Variants in ADAM12 observed in about 807,000 individuals in gnomAD.
The protein encoded by ADAM12 is disintegrin and metalloproteinase domain-containing protein 12.
In ADAM12, 70 loss-of-function variants were observed where a neutral mutation model predicts 106.4. The ratio of observed to expected loss-of-function variants is 0.66; its 90% CI spans 0.54 to 0.80. The LOEUF (loss-of-function observed/expected upper bound fraction) is 0.80, where lower values mean the gene tolerates loss of function less well. Ranked by LOEUF, ADAM12 falls within the 30% of genes least tolerant of loss-of-function variation. ADAM12 has a pLI of 0.00. For missense variants in ADAM12, 1,010 were observed against 1,171.9 expected, an observed-to-expected ratio of 0.86 and a Z score of 2.02; for synonymous variants, 420 against 433.5, an observed-to-expected ratio of 0.97 and a Z score of 0.39.
At position 126,187,465 on chromosome 10, in the gene ADAM12, C is replaced by T. The variant is rs141239202; in HGVS notation, c.261-32160G>A. Reference sequence around the variant, plus strand: ...AATCAAAATGCTGACACACAGGCGCCGGGGTGCCCAGCAAGTGGCTGTATT... The same window carrying T: ...AATCAAAATGCTGACACACAGGCGCTGGGGTGCCCAGCAAGTGGCTGTATT... On this transcript the variant is annotated intron_variant, in intron 3 of 22. Coordinates refer to ENST00000448723, the MANE Select transcript of ADAM12 (RefSeq NM_001288973.2). Among the ~76,000 whole-genome samples, 198 of 152,276 alleles carry T rather than the reference C, an allele frequency of 1.3e-3. 5 individuals are homozygous for T. The South Asian group carries it at 0.026, about 20-fold the overall frequency.
At chr10:126,246,360 C>A (rs1481964520) in intron 3 of ADAM12, among the ~76,000 whole-genome samples, 2 of 152,150 alleles carry the variant, frequency 1.3e-5, no homozygotes, top group African/African-American at 4.8e-5. Flanking sequence ...TAGCCATAGA[C>A]AACCTAAGGT....
chr10:126,140,831 T>C (rs1956496491), intron 4 of ADAM12, among the ~76,000 whole-genome samples: 1 of 152,152 alleles, frequency 6.6e-6, no homozygotes, highest in South Asian at 2.1e-4. Flanking sequence ...ATGCATCACG[T>C]GGTTGGTTGG....
intron 3 of ADAM12, among the ~76,000 whole-genome samples, chr10:126,213,565 C>A (rs573356086): frequency 1.3e-5 from 2 of 152,186 alleles, no homozygotes; most frequent in Non-Finnish European, 2.9e-5. Context: ...ACTGAATATA[C>A]CCAAACCACT....
chr10:126,240,870 G>A (rs555645730), intron 3 of ADAM12, among the ~76,000 whole-genome samples: 1 of 152,342 alleles, frequency 6.6e-6, no homozygotes, highest in South Asian at 2.1e-4. Context: ...ACTTTTTGCT[G>A]TATCACTATC....
intron 1 of ADAM12, among the ~76,000 whole-genome samples, chr10:126,351,765 T>C (rs1855368335): frequency 6.6e-6 from 1 of 152,070 alleles, no homozygotes; most frequent in African/African-American, 2.4e-5. Context: ...AACTGTGCAT[T>C]GCTCTCCCTG....
intron 3 of ADAM12, among the ~76,000 whole-genome samples, chr10:126,216,567 GA>G (rs1957991591): frequency 6.6e-6 from 1 of 152,198 alleles, no homozygotes; most frequent in Non-Finnish European, 1.5e-5. Flanking sequence ...GTAACTCCAG[GA>G]AAAGGGCTTA....
intron 2 of ADAM12, among the ~76,000 whole-genome samples, chr10:126,316,143 G>A (rs1050348412): frequency 1.6e-4 from 24 of 152,206 alleles, no homozygotes; most frequent in African/African-American, 5.5e-4. Flanking sequence ...TGTTTGTAGT[G>A]CAGGAGGAGT....
rs142639951 is a variant in ADAM12, at chr10:126,108,404, T to A, written c.741+189A>T. On this transcript the variant is annotated intron_variant, in intron 8 of 22. Transcript: ENST00000448723. ...TCACCAAGGCCACCATAGTCCAGAC[T>A]GCTGTGGTTTGGCATCTCCTGAAGC... 7.4e-4 allele frequency among the ~76,000 whole-genome samples: 112 copies of A among 152,272 alleles called. No homozygotes were observed. The East Asian group carries it at 7.6e-3, about 10-fold the overall frequency.
chr10:126,330,782 TATAATTCA>T (rs1170899359), intron 1 of ADAM12, among the ~76,000 whole-genome samples: 6 of 152,228 alleles, frequency 3.9e-5, no homozygotes, highest in African/African-American at 1.4e-4. Flanking sequence ...AGACAAGATA[TATAATTCA>T]GTCCTTCAAC....
At chr10:126,056,282 A>G (rs1954629161) in intron 14 of ADAM12, among the ~76,000 whole-genome samples, 1 of 152,212 alleles carries the variant, frequency 6.6e-6, no homozygotes, top group Non-Finnish European at 1.5e-5. Flanking sequence ...GAGGCACAGC[A>G]ATGATAGGGC....
Position 126,289,000 on chromosome 10 carries a change from T to C in ADAM12, c.187-10012A>G, listed in dbSNP as rs376748678. 5.8e-4 allele frequency among the ~76,000 whole-genome samples: 86 copies of C among 148,534 alleles called. 2 individuals are homozygous for C. The South Asian group carries it at 0.018, about 31-fold the overall frequency. ...ACATGATGGCTTGGGGACAGGACCA[T>C]ATAGTGACATGGTGACCCAGGAATA... On this transcript the variant is annotated intron_variant, in intron 2 of 22. Transcript: ENST00000448723.
intron 18 of ADAM12, chr10:126,041,505 T>C: frequency 2.3e-5 from 23 of 985,600 alleles, no homozygotes; most frequent in Non-Finnish European, 2.7e-5. Flanking sequence ...GTACTGCTGG[T>C]CACGCATGTC....
At chr10:126,155,573 C>G (rs1181709384) in intron 3 of ADAM12, among the ~76,000 whole-genome samples, 1 of 152,156 alleles carries the variant, frequency 6.6e-6, no homozygotes, top group Non-Finnish European at 1.5e-5. Flanking sequence ...CTTCCTCCCA[C>G]CTCATTCCTT....
chr10:126,082,375 T>TTTTG (rs1355479475), intron 11 of ADAM12, among the ~76,000 whole-genome samples: 1 of 145,552 alleles, frequency 6.9e-6, no homozygotes, highest in African/African-American at 2.6e-5. Flanking sequence ...TTTTTTTTTT[T>TTTTG]TTTTTTTTTT....
chr10:126,230,922 G>C (rs1958297280), intron 3 of ADAM12, among the ~76,000 whole-genome samples: 1 of 152,086 alleles, frequency 6.6e-6, no homozygotes, highest in South Asian at 2.1e-4. Context: ...TTTACGTTAA[G>C]CTAGGACATG....
In ADAM12 at chr10:126,046,150, C is replaced by T. The variant is rs771786627; in HGVS notation, c.1918-18G>A. Reference sequence around the variant, plus strand: ...AGGCAGATCTGTAGGAGGAGGAAAACACAGCAAATCTCTTAGTATTTCTCC... The same window carrying T: ...AGGCAGATCTGTAGGAGGAGGAAAATACAGCAAATCTCTTAGTATTTCTCC... On this transcript the variant is annotated intron_variant, in intron 16 of 22. Transcript: ENST00000448723. 1.2e-6 allele frequency: 2 copies of T among 1,604,656 alleles called. No homozygotes were observed. Among genetic ancestry groups the T allele is most frequent in the East Asian group, 4.5e-5 (2 of 44,826 alleles).
intron 1 of ADAM12, among the ~76,000 whole-genome samples, chr10:126,351,057 A>T (rs974389730): frequency 1.3e-5 from 2 of 152,162 alleles, no homozygotes; most frequent in African/African-American, 4.8e-5. Flanking sequence ...CAGGGTGTGG[A>T]AAGCAGGCCA....
intron 11 of ADAM12, among the ~76,000 whole-genome samples, chr10:126,082,650 C>T (rs553523793): frequency 7.2e-5 from 11 of 152,200 alleles, no homozygotes; most frequent in East Asian, 3.9e-4. Flanking sequence ...GGATTACAGG[C>T]GTGAGCCACC....
chr10:126,155,404 C>CT (rs5788768), intron 3 of ADAM12, 99 bp from the exon 4 acceptor site: 112,339 of 790,918 alleles, frequency 0.14, 1,142 homozygotes, highest in Admixed American at 0.16. Flanking sequence ...TTGTGACCTC[C>CT]TTTTTTTTTT....
Sources: gnomAD v4.1 joint callset for allele counts (sites outside exome capture counted in the v4.1 genomes callset) on GRCh38, gnomAD v4.1.1 for gene constraint, MANE v1.5 for transcripts, NCBI Gene and HGNC (gene_info 2026-07-23, HGNC 2026-07-21) for gene names.